TNS3: variants seen among roughly 807,000 people sequenced by gnomAD.
TNS3 encodes tensin 3, also known as tensin-3.
TNS3 carries 45 observed loss-of-function variants against 140.9 expected under a neutral mutation model. That is an observed-to-expected ratio of 0.32 (90% CI 0.25 to 0.41). The LOEUF (loss-of-function observed/expected upper bound fraction) is 0.41, where lower values mean the gene tolerates loss of function less well. TNS3 is among the 10% of genes least tolerant of loss of function. TNS3 has a pLI of 1.00. For synonymous variants in TNS3, 815 were observed against 788.4 expected (o/e 1.03, Z -0.56); for missense variants, 1,716 against 1,906.7 (o/e 0.90, Z 1.86).
At chr7:47,288,584 A>C (rs1275834934) in intron 27 of TNS3, among the ~76,000 whole-genome samples, 1 of 152,174 alleles carries the variant, frequency 6.6e-6, no homozygotes, top group Non-Finnish European at 1.5e-5. Context: ...CCTTCTGGGC[A>C]CTTCACTGGG....
chr7:47,330,644 G>A (rs1034957450), intron 20 of TNS3, among the ~76,000 whole-genome samples: 2 of 152,122 alleles, frequency 1.3e-5, no homozygotes, highest in African/African-American at 4.8e-5. Context: ...AACAGAGGGA[G>A]AGAAGGGGCA....
intron 6 of TNS3, among the ~76,000 whole-genome samples, chr7:47,439,024 C>G (rs1003790431): frequency 1.3e-5 from 2 of 152,190 alleles, no homozygotes; most frequent in Non-Finnish European, 2.9e-5. Context: ...ACCATCAACT[C>G]GACAAGTGTG....
Position 47,336,404 on chromosome 7 carries a change from C to A in TNS3, c.2650+8351G>T, listed in dbSNP as rs954630896. Among the ~76,000 whole-genome samples, 6 of 152,216 alleles carry A rather than the reference C, an allele frequency of 3.9e-5. No homozygotes were observed. The East Asian group carries it at 7.7e-4, about 20-fold the overall frequency. On this transcript the variant is annotated intron_variant, in intron 20 of 30. Coordinates refer to ENST00000311160, the MANE Select transcript of TNS3 (RefSeq NM_022748.12). ...CTCGGTACCAGCAGGTTCTGGCAAG[C>A]CCCAGCTTTGGGCATTCATCCCCCT...
At chr7:47,315,655 C>G (rs1787355766) in intron 20 of TNS3, among the ~76,000 whole-genome samples, 1 of 152,200 alleles carries the variant, frequency 6.6e-6, no homozygotes, top group African/African-American at 2.4e-5. Context: ...TCTTCGGAAG[C>G]CTTAGAGCCT....
At chr7:47,423,363 G>T (rs1359948325) in intron 10 of TNS3, among the ~76,000 whole-genome samples, 1 of 152,206 alleles carries the variant, frequency 6.6e-6, no homozygotes, top group Non-Finnish European at 1.5e-5. Flanking sequence ...CCAGCTGTGG[G>T]TCCTTCTCAC....
chr7:47,303,199 A>T lies in TNS3; in HGVS notation c.3208T>A (p.Phe1070Ile), dbSNP rs1298843475. Reference protein sequence around the residue: ...AADNGFLSHNFLTVAPGHSSH... With the variant: ...AADNGFLSHNILTVAPGHSSH... ...CTGTGTCCAGGCGCCACCGTGAGAA[A>T]GTTGTGGGACAGGAAGCCATTGTCG... Residue 1070 changes from phenylalanine to isoleucine, a missense_variant, in exon 22 of 31, where the codon TTT (phenylalanine) becomes ATT (isoleucine). Transcript: ENST00000311160. The T allele has an allele frequency of 1.2e-6, 2 of 1,613,580 alleles. No homozygotes were observed. Among genetic ancestry groups the T allele is most frequent in the South Asian group, 2.2e-5 (2 of 91,080 alleles).
intron 3 of TNS3, 144 bp downstream of exon 3, chr7:47,506,763 A>C (rs1798431237): frequency 7.2e-6 from 3 of 418,492 alleles, no homozygotes; most frequent in Non-Finnish European, 1.2e-5. Flanking sequence ...TTGAGATGAA[A>C]AGTATACACC....
At chr7:47,300,215 G>A (rs538547630) in intron 23 of TNS3, among the ~76,000 whole-genome samples, 28 of 152,224 alleles carry the variant, frequency 1.8e-4, no homozygotes, top group Non-Finnish European at 3.4e-4. Context: ...GCAGCCTTCC[G>A]CTGTTTGGAG....
At chr7:47,323,436 G>A (rs565467278) in intron 20 of TNS3, among the ~76,000 whole-genome samples, 13 of 152,312 alleles carry the variant, frequency 8.5e-5, no homozygotes, top group African/African-American at 3.1e-4. Context: ...AAGAGATTTT[G>A]TTGTTTGCAA....
intron 20 of TNS3, among the ~76,000 whole-genome samples, chr7:47,337,684 T>A (rs543054613): frequency 6.6e-6 from 1 of 152,298 alleles, no homozygotes; most frequent in South Asian, 2.1e-4. Context: ...AAAATGCAAA[T>A]CTGAGCAGTC....
chr7:47,436,259 A>G (rs1795177167), intron 7 of TNS3, among the ~76,000 whole-genome samples: 1 of 152,104 alleles, frequency 6.6e-6, no homozygotes, highest in Admixed American at 6.5e-5. Context: ...TAAATTCTAT[A>G]CTCTACTATT....
intron 2 of TNS3, among the ~76,000 whole-genome samples, chr7:47,509,416 G>C (rs765909281): frequency 1.1e-4 from 16 of 152,216 alleles, no homozygotes; most frequent in African/African-American, 3.9e-4. Flanking sequence ...CAATCTATCC[G>C]TGGCCCAGCT....
At chr7:47,504,052 CCA>C (rs1444896847) in intron 3 of TNS3, among the ~76,000 whole-genome samples, 1 of 152,136 alleles carries the variant, frequency 6.6e-6, no homozygotes, top group Non-Finnish European at 1.5e-5. Flanking sequence ...AACATCAAGA[CCA>C]TAGCAAGGGG....
At chr7:47,481,858 A>G (rs940524384) in intron 3 of TNS3, 1 of 179,654 alleles carries the variant, frequency 5.6e-6, no homozygotes, top group African/African-American at 2.4e-5. Context: ...GATCTCCACC[A>G]CTTACTAGCC....
intron 1 of TNS3, among the ~76,000 whole-genome samples, chr7:47,575,071 CAA>C (rs1188120025): frequency 1.3e-5 from 2 of 152,228 alleles, no homozygotes; most frequent in African/African-American, 2.4e-5. Flanking sequence ...TCTTTGATGC[CAA>C]AGAGTCTGCT....
At chr7:47,357,411 A>T (rs1392461847) in intron 17 of TNS3, among the ~76,000 whole-genome samples, 1 of 152,152 alleles carries the variant, frequency 6.6e-6, no homozygotes, top group Non-Finnish European at 1.5e-5. Context: ...TTTTCGAGAC[A>T]GTGTGTAAAA....
At position 47,302,989 on chromosome 7, in the gene TNS3, C is replaced by T. The variant is rs1484225222; in HGVS notation, c.3418G>A (p.Asp1140Asn). ...ISIPFPNVLP[D>N]FSKASEAASP... ...GCCGCTTCTGAAGCCTTGGAAAAGT[C>T]GGGAAGGACATTTGGGAAGGGGATA... is the stretch of plus-strand genomic sequence containing the variant. The change falls in exon 22 of 31, where the codon GAC becomes AAC. Residue 1140 changes from aspartate (D) to asparagine (N), a missense_variant. Asp to Asn is a conservative substitution (Grantham distance 23). Transcript: ENST00000311160. 5.0e-6 allele frequency: 8 copies of T among 1,612,212 alleles called. No individual in the cohort carries two copies. The highest frequency in any genetic ancestry group is 1.7e-4 in the Middle Eastern group (1 of 6,054).
intron 1 of TNS3, among the ~76,000 whole-genome samples, chr7:47,540,462 G>T (rs1381429893): frequency 1.3e-5 from 2 of 152,168 alleles, no homozygotes; most frequent in African/African-American, 4.8e-5. Flanking sequence ...AGAGCTGAGG[G>T]GCCACTCGTG....
chr7:47,367,169 C>G (rs1790753491), intron 17 of TNS3, among the ~76,000 whole-genome samples: 1 of 152,216 alleles, frequency 6.6e-6, no homozygotes, highest in African/African-American at 2.4e-5. Context: ...CCAGTGCCCG[C>G]AGGCACAGCC....
Sources: allele counts gnomAD v4.1 joint callset (sites outside exome capture counted in the v4.1 genomes callset), GRCh38; gene constraint gnomAD v4.1.1; transcripts MANE v1.5; gene names NCBI Gene and HGNC (gene_info 2026-07-23, HGNC 2026-07-21).